Variants in CADPS2 observed in about 807,000 individuals in gnomAD.
CADPS2 encodes calcium-dependent secretion activator 2.
CADPS2 carries 93 observed loss-of-function variants against 172.5 expected under a neutral mutation model. That is an observed-to-expected ratio of 0.54 (90% CI 0.46 to 0.64). The LOEUF (loss-of-function observed/expected upper bound fraction) is 0.64. CADPS2 is among the 30% of genes least tolerant of loss of function. The pLI, the probability that CADPS2 is intolerant of heterozygous loss-of-function variation, is 0.00. For missense variants in CADPS2, 1,420 were observed against 1,565.9 expected (o/e 0.91, Z 1.57); for synonymous variants, 546 against 555.2 (o/e 0.98, Z 0.23).
intron 29 of CADPS2, among the ~76,000 whole-genome samples, chr7:122,324,694 G>A (rs1411238387): frequency 6.6e-6 from 1 of 152,068 alleles, no homozygotes; most frequent in Non-Finnish European, 1.5e-5. Context: ...AAGGTCTTTT[G>A]TTTAAATAAA....
intron 2 of CADPS2, chr7:122,698,982 TA>T: frequency 3.4e-6 from 4 of 1,175,520 alleles, no homozygotes; most frequent in Non-Finnish European, 4.8e-6. Flanking sequence ...ACAATTAATT[TA>T]AAATAACGAA....
intron 2 of CADPS2, chr7:122,702,451 T>G: frequency 1.2e-6 from 2 of 1,613,808 alleles, no homozygotes; most frequent in Non-Finnish European, 8.5e-7. Context: ...GGGCCAGCCA[T>G]GAGTCTGCCT....
chr7:122,536,894 G>A (rs975074509), intron 8 of CADPS2, among the ~76,000 whole-genome samples: 4 of 152,002 alleles, frequency 2.6e-5, no homozygotes, highest in Non-Finnish European at 5.9e-5. Context: ...GTAATGAAAT[G>A]CCTGATGAAT....
intron 3 of CADPS2, among the ~76,000 whole-genome samples, chr7:122,646,202 C>A (rs2078535710): frequency 6.6e-6 from 1 of 151,970 alleles, no homozygotes; most frequent in African/African-American, 2.4e-5. Context: ...CATGTCTCGT[C>A]CTCATCTTTC....
At chr7:122,875,076 A>T (rs997904873) in intron 1 of CADPS2, among the ~76,000 whole-genome samples, 1 of 152,238 alleles carries the variant, frequency 6.6e-6, no homozygotes, top group Non-Finnish European at 1.5e-5. Flanking sequence ...AAATTGTTGC[A>T]TAATTTTCCT....
intron 2 of CADPS2, among the ~76,000 whole-genome samples, chr7:122,665,511 A>C (rs544035144): frequency 1.3e-5 from 2 of 152,312 alleles, no homozygotes; most frequent in Middle Eastern, 3.4e-3. Flanking sequence ...ATCATGTCAA[A>C]AATGCATTTA....
chr7:122,822,913 T>G (rs1340229674), intron 1 of CADPS2, among the ~76,000 whole-genome samples: 1 of 152,020 alleles, frequency 6.6e-6, no homozygotes, highest in Non-Finnish European at 1.5e-5. Context: ...CTTTTCGGAC[T>G]CACCCCGCCT....
rs537703901 is a variant in CADPS2 at position 122,404,359 on chromosome 7, T to C, written c.2746+3181A>G. ...TAAGGCTGCATAGTATTCCATGGTGTATATGGGCCACATTTCTTAATCCAG... is the reference window on the plus strand; with the variant it reads ...TAAGGCTGCATAGTATTCCATGGTGCATATGGGCCACATTTCTTAATCCAG... On this transcript the variant is annotated intron_variant, in intron 20 of 29. Coordinates refer to ENST00000449022, the MANE Select transcript of CADPS2 (RefSeq NM_017954.11). Among the ~76,000 whole-genome samples the C allele has an allele frequency of 2.6e-5, 4 of 152,326 alleles. No individual in the cohort carries two copies. The East Asian group carries it at 7.7e-4, about 29-fold the overall frequency.
chr7:122,864,878 A>G (rs1181874524), intron 1 of CADPS2, among the ~76,000 whole-genome samples: 2 of 152,098 alleles, frequency 1.3e-5, no homozygotes, highest in Non-Finnish European at 2.9e-5. Context: ...AGCCAGTAAG[A>G]AGGGGGAAGA....
intron 12 of CADPS2, among the ~76,000 whole-genome samples, chr7:122,478,730 CT>C (rs2056977023): frequency 1.3e-5 from 2 of 152,108 alleles, no homozygotes; most frequent in Admixed American, 6.5e-5. Flanking sequence ...CAGTGAGGGG[CT>C]TTTTGGTAGG....
chr7:122,630,836 A>T (rs1183850090), intron 3 of CADPS2, among the ~76,000 whole-genome samples: 1 of 152,124 alleles, frequency 6.6e-6, no homozygotes, highest in Non-Finnish European at 1.5e-5. Context: ...TTTTTAAAAA[A>T]CCAAATTCAT....
chr7:122,474,611 C>A lies in CADPS2; in HGVS notation c.1862-94G>T, dbSNP rs533753614. The A allele has an allele frequency of 8.9e-6, 10 of 1,121,664 alleles. No individual in the cohort carries two copies. The East Asian group carries it at 2.4e-4, about 26-fold the overall frequency. 69.5% of individuals were successfully genotyped at this position (1,121,664 alleles called of 1,614,324 possible). On this transcript the variant is annotated intron_variant, in intron 12 of 29. Transcript: ENST00000449022. ...AAGAATACAAAATGCGTGACTCAAG[C>A]AGAAGACTACCTTTTATCACATGAA...
chr7:122,390,021 T>G (rs2044174246), intron 22 of CADPS2, among the ~76,000 whole-genome samples: 1 of 152,074 alleles, frequency 6.6e-6, no homozygotes, highest in Non-Finnish European at 1.5e-5. Flanking sequence ...CCCTCCACCC[T>G]GGCCTCAGCG....
At chr7:122,543,833 G>A (rs2063346355) in intron 8 of CADPS2, among the ~76,000 whole-genome samples, 1 of 152,070 alleles carries the variant, frequency 6.6e-6, no homozygotes, top group Non-Finnish European at 1.5e-5. Flanking sequence ...ACTAAGTAAT[G>A]AAATAAGAGT....
intron 19 of CADPS2, chr7:122,412,904 A>G (rs2047474028): frequency 6.6e-6 from 1 of 152,232 alleles, no homozygotes; most frequent in Admixed American, 6.5e-5. Flanking sequence ...TCACCACGCT[A>G]TGCATCTACA....
At chr7:122,405,215 G>C (rs1585693139) in intron 20 of CADPS2, among the ~76,000 whole-genome samples, 1 of 152,028 alleles carries the variant, frequency 6.6e-6, no homozygotes, top group East Asian at 1.9e-4. Context: ...CTTATTTTTG[G>C]CAGCAGGTTT....
At chr7:122,544,718 T>C (rs986295558) in intron 8 of CADPS2, among the ~76,000 whole-genome samples, 6 of 152,172 alleles carry the variant, frequency 3.9e-5, no homozygotes, top group Admixed American at 3.3e-4. Flanking sequence ...TTGAAGTATA[T>C]GCTTATGTCA....
chr7:122,513,996 C>T (rs76983342), intron 8 of CADPS2, among the ~76,000 whole-genome samples: 4,876 of 152,108 alleles, frequency 0.032, 248 homozygotes, highest in African/African-American at 0.11. Context: ...TTTGCATTGA[C>T]CTTAGTAAGC....
chr7:122,757,346 G>C (rs1006671363), intron 1 of CADPS2, among the ~76,000 whole-genome samples: 3 of 151,836 alleles, frequency 2.0e-5, no homozygotes, highest in African/African-American at 7.3e-5. Flanking sequence ...ACGGGGTTTC[G>C]CCAAGTTGTC....
Sources: gnomAD v4.1 joint callset for allele counts (sites outside exome capture counted in the v4.1 genomes callset) on GRCh38, gnomAD v4.1.1 for gene constraint, MANE v1.5 for transcripts, NCBI Gene and HGNC (gene_info 2026-07-23, HGNC 2026-07-21) for gene names.